JADE3: variants seen among roughly 807,000 people sequenced by gnomAD.
JADE3 encodes the protein protein Jade-3.
In JADE3, 2 loss-of-function variants were observed where a neutral mutation model predicts 50.1. That is an observed-to-expected ratio of 0.04 (90% confidence interval 0.02 to 0.13). JADE3 has a LOEUF of 0.13. Ranked by LOEUF, JADE3 falls within the 10% of genes least tolerant of loss-of-function variation. The probability of loss-of-function intolerance (pLI) is 1.00; values close to 1 mark genes in which losing one functional copy is unlikely to be tolerated. For synonymous variants in JADE3, 218 were observed against 232.9 expected (o/e 0.94, Z 0.58); for missense variants, 475 against 634.4 (o/e 0.75, Z 2.70).
chrX:47,048,085 G>A (rs1439016722), intron 8 of JADE3, among the ~76,000 whole-genome samples: 1 of 111,454 alleles, frequency 9.0e-6, no homozygotes, highest in African/African-American at 3.3e-5. Context: ...TTTATTGAGA[G>A]TTGGCCACGT....
chrX:47,010,227 A>G (rs782227333), intron 4 of JADE3, among the ~76,000 whole-genome samples: 15 of 110,131 alleles, frequency 1.4e-4, no homozygotes, highest in Non-Finnish European at 2.3e-4. Context: ...ATAAATTTTT[A>G]TTTTTATTTA....
At chrX:46,978,012 C>T (rs972336647) in intron 1 of JADE3, among the ~76,000 whole-genome samples, 3 of 111,404 alleles carry the variant, frequency 2.7e-5, no homozygotes, top group Non-Finnish European at 3.8e-5. Flanking sequence ...TTATTTTGTG[C>T]AGGATACTGT....
Position 46,975,714 on chromosome X carries a change from C to CTTTTTTTTTTTTT in JADE3, c.-11-9159_-11-9147dup, listed in dbSNP as rs782578317. On this transcript the variant is annotated intron_variant, in intron 1 of 10. Coordinates refer to ENST00000614628, the MANE Select transcript of JADE3 (RefSeq NM_014735.5). Reference sequence around the variant, plus strand: ...TTATTTTTCTTTCTTTTTTCTTTTTCTTTTTTTTTTTTTTTTTTTTTTTGG... The same window carrying CTTTTTTTTTTTTT: ...TTATTTTTCTTTCTTTTTTCTTTTTCTTTTTTTTTTTTTTTTTTTTTTTTTTTTTTTTTTTTGG... 6.2e-4 allele frequency among the ~76,000 whole-genome samples: 25 copies of CTTTTTTTTTTTTT among 40,515 alleles called. 2 individuals are homozygous for CTTTTTTTTTTTTT. Among genetic ancestry groups the CTTTTTTTTTTTTT allele is most frequent in the African/African-American group, 1.2e-3 (11 of 8,993 alleles). The allele number at this position is 40,515 out of a possible 115,157, so 35.2% of individuals were successfully genotyped here.
chrX:46,937,900 A>C (rs925997362), intron 1 of JADE3, among the ~76,000 whole-genome samples: 35 of 111,781 alleles, frequency 3.1e-4, no homozygotes, highest in Non-Finnish European at 5.6e-5. Context: ...GAATCATTTG[A>C]ACCTGGGAGG....
At chrX:46,962,109 C>A (rs1411182771) in intron 1 of JADE3, among the ~76,000 whole-genome samples, 5 of 111,283 alleles carry the variant, frequency 4.5e-5, no homozygotes, top group Non-Finnish European at 7.5e-5. Context: ...AGCACCTGCG[C>A]CTCCTCACAG....
At position 46,942,475 on chromosome X, in the gene JADE3, G is replaced by A. The variant is rs1240418323; in HGVS notation, c.-12+29756G>A. Among the ~76,000 whole-genome samples the A allele has an allele frequency of 5.4e-5, 6 of 111,559 alleles. No homozygotes were observed. The East Asian group carries it at 1.1e-3, about 21-fold the overall frequency. On this transcript the variant is annotated intron_variant, in intron 1 of 10. Transcript: ENST00000614628. ...TTATTGAGTAGGGAGTCCTTTCCCC[G>A]TTGCTTATTTTTAACTTTGTCAAAG...
At chrX:47,011,129 G>A (rs1928556529) in intron 4 of JADE3, among the ~76,000 whole-genome samples, 1 of 111,875 alleles carries the variant, frequency 8.9e-6, no homozygotes, top group Admixed American at 9.5e-5. Flanking sequence ...CATGGGTTAG[G>A]TCTTCAACAT....
chrX:46,998,172 T>C lies in JADE3; in HGVS notation c.179T>C (p.Ile60Thr). The change falls in exon 4 of 11, where the codon ATT becomes ACT. Residue 60 changes from isoleucine (I) to threonine (T), a missense_variant. Coordinates refer to ENST00000614628, the MANE Select transcript of JADE3 (RefSeq NM_014735.5). ...ATGAAACTTCCAGATTCTCACCACA[T>C]TAATCCTGATAGCTATTACCTCTTT... The part of the protein sequence containing the change: ...SAMKLPDSHH[I>T]NPDSYYLFAD... 1 of 1,203,976 alleles carries C rather than the reference T, an allele frequency of 8.3e-7. No individual in the cohort carries two copies. The highest frequency in any genetic ancestry group is 1.1e-6 in the Non-Finnish European group (1 of 888,886).
At chrX:46,923,389 C>CTTTTTTT (rs1926271002) in intron 1 of JADE3, among the ~76,000 whole-genome samples, 1 of 24,170 alleles carries the variant, frequency 4.1e-5, no homozygotes, top group Non-Finnish European at 1.4e-4. Context: ...CTCTCTCTCT[C>CTTTTTTT]TCTCTTTTTT....
chrX:46,963,532 ATTAC>A (rs1244017947), intron 1 of JADE3, among the ~76,000 whole-genome samples: 8 of 112,379 alleles, frequency 7.1e-5, no homozygotes, highest in Non-Finnish European at 1.3e-4. Context: ...TAAAATAGTA[ATTAC>A]TTAGTTCATT....
chrX:46,984,378 T>A (rs1927819749), intron 1 of JADE3, among the ~76,000 whole-genome samples: 1 of 111,928 alleles, frequency 8.9e-6, no homozygotes, highest in Non-Finnish European at 1.9e-5. Context: ...AGGAAGAGAG[T>A]GAGAGAGGGA....
rs1556375200 is a variant in JADE3, at chrX:47,061,009, G to C, written c.*1932G>C. 8.9e-6 allele frequency: 1 copy of C among 112,079 alleles called. No homozygotes were observed. The highest frequency in any genetic ancestry group is 1.9e-5 in the Non-Finnish European group (1 of 53,140). 9.2% of individuals were successfully genotyped at this position (112,079 alleles called of 1,213,427 possible). ...AAATATCATTCGTCAGGGAAATATA[G>C]TTGTAATATTTTTACAGGATATTCC... On this transcript the variant is annotated 3_prime_UTR_variant, in exon 11 of 11. Coordinates refer to ENST00000614628, the MANE Select transcript of JADE3 (RefSeq NM_014735.5).
At chrX:47,055,215 A>G (rs781847045) in intron 9 of JADE3, among the ~76,000 whole-genome samples, 21 of 111,793 alleles carry the variant, frequency 1.9e-4, no homozygotes, top group East Asian at 2.8e-4. Flanking sequence ...TGATAATTCA[A>G]TATAACTCAT....
At chrX:47,017,708 A>G (rs1372981269) in intron 4 of JADE3, among the ~76,000 whole-genome samples, 1 of 112,259 alleles carries the variant, frequency 8.9e-6, no homozygotes, top group East Asian at 2.8e-4. Flanking sequence ...CATCGTTAAT[A>G]AAACTGAAAG....
At chrX:47,030,069 C>CTATA (rs200516216) in intron 6 of JADE3, among the ~76,000 whole-genome samples, 9 of 107,157 alleles carry the variant, frequency 8.4e-5, no homozygotes, top group African/African-American at 1.7e-4. Flanking sequence ...AGGTCATATA[C>CTATA]TATATATATA....
chrX:46,930,229 A>C (rs183292128), intron 1 of JADE3, among the ~76,000 whole-genome samples: 1 of 111,850 alleles, frequency 8.9e-6, no homozygotes, highest in East Asian at 2.8e-4. Flanking sequence ...AGCCCCAGCT[A>C]ACCTGCTGGA....
At chrX:47,017,688 T>A in intron 4 of JADE3, among the ~76,000 whole-genome samples, 1 of 112,150 alleles carries the variant, frequency 8.9e-6, no homozygotes. Context: ...TCACTTAATA[T>A]ATACTTCTGC....
At chrX:46,994,520 G>C (rs782772847) in intron 3 of JADE3, among the ~76,000 whole-genome samples, 2 of 112,206 alleles carry the variant, frequency 1.8e-5, no homozygotes, top group South Asian at 7.4e-4. Context: ...TCAGCATCTA[G>C]ATCCCTCCTT....
intron 1 of JADE3, among the ~76,000 whole-genome samples, chrX:46,923,820 C>A (rs782738012): frequency 3.6e-5 from 4 of 111,247 alleles, no homozygotes; most frequent in Non-Finnish European, 7.5e-5. Flanking sequence ...TCTAACAGCT[C>A]TCCCAGTTGT....
Sources: gnomAD v4.1 joint callset for allele counts (sites outside exome capture counted in the v4.1 genomes callset) on GRCh38, gnomAD v4.1.1 for gene constraint, MANE v1.5 for transcripts, NCBI Gene and HGNC (gene_info 2026-07-23, HGNC 2026-07-21) for gene names.